The following RPS6KC1 variants were observed in gnomAD, a reference collection of about 807,000 sequenced individuals.
RPS6KC1 encodes inactive ribosomal protein S6 kinase delta-1.
In RPS6KC1, 54 loss-of-function variants were observed where a neutral mutation model predicts 103.8. The ratio of observed to expected loss-of-function variants is 0.52; its 90% CI spans 0.42 to 0.65. The LOEUF (loss-of-function observed/expected upper bound fraction) is 0.65. RPS6KC1 is among the 30% of genes least tolerant of loss of function. RPS6KC1 has a pLI of 0.00. For missense variants in RPS6KC1, 1,151 were observed against 1,253.8 expected, an observed-to-expected ratio of 0.92 and a Z score of 1.24; for synonymous variants, 439 against 438.7, an observed-to-expected ratio of 1.00 and a Z score of -0.01.
chr1:213,205,988 G>T (rs904253696), intron 8 of RPS6KC1, among the ~76,000 whole-genome samples: 1 of 152,094 alleles, frequency 6.6e-6, no homozygotes, highest in African/African-American at 2.4e-5. Flanking sequence ...AAAAGTTTTA[G>T]ATTTTAGAAC....
chr1:213,804,946 A>G, the RPS6KC1 span, among the ~76,000 whole-genome samples: 4 of 152,262 alleles, frequency 2.6e-5, no homozygotes, highest in African/African-American at 9.6e-5. Flanking sequence ...TAAAGCAAAT[A>G]TCGCAACAAA....
chr1:213,236,211 C>T (rs1460795032), intron 10 of RPS6KC1, among the ~76,000 whole-genome samples: 4 of 152,132 alleles, frequency 2.6e-5, no homozygotes, highest in Admixed American at 6.6e-5. Context: ...TCCCCATCCA[C>T]GGAAAAATTG....
chr1:213,654,823 G>T, the RPS6KC1 span, among the ~76,000 whole-genome samples: 1 of 152,078 alleles, frequency 6.6e-6, no homozygotes, highest in East Asian at 1.9e-4. Context: ...AAATATTTAG[G>T]TATTGGAAAG....
At chr1:213,803,815 G>T in the RPS6KC1 span, among the ~76,000 whole-genome samples, 14 of 152,112 alleles carry the variant, frequency 9.2e-5, no homozygotes, top group African/African-American at 3.4e-4. Context: ...GTACCAAGTT[G>T]AAACAGGTCA....
the RPS6KC1 span, among the ~76,000 whole-genome samples, chr1:213,444,526 G>A: frequency 3.3e-5 from 5 of 152,166 alleles, no homozygotes; most frequent in East Asian, 3.9e-4. Flanking sequence ...CTTTGTTTTC[G>A]TTATGAGTAT....
At chr1:213,583,940 A>G in the RPS6KC1 span, among the ~76,000 whole-genome samples, 22 of 151,976 alleles carry the variant, frequency 1.4e-4, no homozygotes, top group African/African-American at 5.3e-4. Flanking sequence ...CGGAATTTGC[A>G]TCTTGATATG....
chr1:213,342,607 C>T, the RPS6KC1 span, among the ~76,000 whole-genome samples: 2 of 152,052 alleles, frequency 1.3e-5, no homozygotes, highest in African/African-American at 4.8e-5. Flanking sequence ...AGCCATTGGC[C>T]AGCCTTTCCA....
chr1:213,594,136 AC>A, the RPS6KC1 span, among the ~76,000 whole-genome samples: 1 of 152,174 alleles, frequency 6.6e-6, no homozygotes, highest in African/African-American at 2.4e-5. Context: ...AAGTGTTGGG[AC>A]TACAGGTGTG....
chr1:213,789,044 C>T, the RPS6KC1 span, among the ~76,000 whole-genome samples: 1 of 152,152 alleles, frequency 6.6e-6, no homozygotes, highest in Admixed American at 6.6e-5. Context: ...AGGCTCCTGA[C>T]AGCCACTTGG....
the RPS6KC1 span, among the ~76,000 whole-genome samples, chr1:213,328,898 C>T: frequency 2.6e-5 from 4 of 152,116 alleles, no homozygotes; most frequent in Non-Finnish European, 5.9e-5. Context: ...GAGAGGGTCA[C>T]ACAGAAAAAC....
At chr1:213,497,074 T>C in the RPS6KC1 span, among the ~76,000 whole-genome samples, 1 of 152,228 alleles carries the variant, frequency 6.6e-6, no homozygotes, top group East Asian at 1.9e-4. Flanking sequence ...ATCTATCAAG[T>C]TGGAAATACC....
the RPS6KC1 span, among the ~76,000 whole-genome samples, chr1:213,674,539 T>C: frequency 0.26 from 39,529 of 152,102 alleles, 6,497 homozygotes; most frequent in African/African-American, 0.47. Flanking sequence ...TCCAATCCAC[T>C]ACTGATGAAT....
At chr1:213,157,347 C>T (rs2090003770) in intron 6 of RPS6KC1, among the ~76,000 whole-genome samples, 1 of 151,974 alleles carries the variant, frequency 6.6e-6, no homozygotes, top group African/African-American at 2.4e-5. Context: ...GCTGGGACTA[C>T]AAGTGCCTGC....
chr1:213,326,697 A>C, the RPS6KC1 span, among the ~76,000 whole-genome samples: 1 of 152,242 alleles, frequency 6.6e-6, no homozygotes, highest in African/African-American at 2.4e-5. Context: ...CATTAGAATC[A>C]GGAGGCTGAA....
At chr1:213,225,418 C>T (rs1256192002) in intron 8 of RPS6KC1, among the ~76,000 whole-genome samples, 1 of 151,792 alleles carries the variant, frequency 6.6e-6, no homozygotes, top group Non-Finnish European at 1.5e-5. Context: ...GAGATGGAGT[C>T]TCACTCTTGC....
the RPS6KC1 span, among the ~76,000 whole-genome samples, chr1:213,388,347 G>A: frequency 6.6e-6 from 1 of 152,248 alleles, no homozygotes. Context: ...CTCAGTGCCT[G>A]TTCTCTTGGG....
chr1:213,503,656 T>C, the RPS6KC1 span, among the ~76,000 whole-genome samples: 1 of 152,204 alleles, frequency 6.6e-6, no homozygotes, highest in Non-Finnish European at 1.5e-5. Context: ...TATCTAGAGA[T>C]TGGGGCATTG....
chr1:213,242,336 G>T, intron 11 of RPS6KC1, 39 bp downstream of exon 11: 1 of 1,603,962 alleles, frequency 6.2e-7, no homozygotes, highest in South Asian at 1.1e-5. Context: ...TTTATTCGCT[G>T]TTGCTTCCAA....
At chr1:213,577,705 G>C in the RPS6KC1 span, among the ~76,000 whole-genome samples, 338 of 152,300 alleles carry the variant, frequency 2.2e-3, no homozygotes, top group African/African-American at 7.5e-3. Flanking sequence ...ATGATTTAGG[G>C]TATCTGGTAG....
Sources: allele counts gnomAD v4.1 joint callset (sites outside exome capture counted in the v4.1 genomes callset), GRCh38; gene constraint gnomAD v4.1.1; transcripts MANE v1.5; gene names NCBI Gene and HGNC (gene_info 2026-07-23, HGNC 2026-07-21).